GRM5: variants seen among roughly 807,000 people sequenced by gnomAD.
The protein encoded by GRM5 is glutamate metabotropic receptor 5.
In GRM5, 19 loss-of-function variants were observed where a neutral mutation model predicts 83.1. The observed-to-expected ratio is 0.23, with a 90% CI of 0.16 to 0.34. The LOEUF is 0.34. Among genes scored for constraint, GRM5 ranks in the 10% least tolerant of loss-of-function variants. The pLI is 1.00. For synonymous variants in GRM5, 675 were observed against 633.6 expected (o/e 1.07, Z -0.98); for missense variants, 1,160 against 1,588.3 (o/e 0.73, Z 4.58).
At chr11:88,974,158 C>A (rs1045252433) in intron 2 of GRM5, among the ~76,000 whole-genome samples, 2 of 152,060 alleles carry the variant, frequency 1.3e-5, no homozygotes, top group Non-Finnish European at 2.9e-5. Flanking sequence ...GCCAGTTGAA[C>A]CTGTGTCTTT....
chr11:88,707,619 T>G (rs2135380379), intron 3 of GRM5, among the ~76,000 whole-genome samples: 1 of 152,250 alleles, frequency 6.6e-6, no homozygotes, highest in South Asian at 2.1e-4. Flanking sequence ...CACCATTTTA[T>G]ATGAGGGGCT....
At chr11:88,853,223 T>C (rs1944417716) in intron 2 of GRM5, among the ~76,000 whole-genome samples, 1 of 152,110 alleles carries the variant, frequency 6.6e-6, no homozygotes, top group Non-Finnish European at 1.5e-5. Context: ...ACGATGCAAA[T>C]GTCAATCATT....
At chr11:89,014,347 C>G (rs71469234) in intron 2 of GRM5, among the ~76,000 whole-genome samples, 3 of 152,122 alleles carry the variant, frequency 2.0e-5, no homozygotes, top group Non-Finnish European at 4.4e-5. Context: ...TGTGTTACTA[C>G]TCAACAGTGC....
intron 1 of GRM5, among the ~76,000 whole-genome samples, chr11:89,052,975 C>T (rs77072338): frequency 0.018 from 2,806 of 152,172 alleles, 85 homozygotes; most frequent in African/African-American, 0.065. Context: ...ATGTCTATGC[C>T]TGTTGACTTT....
chr11:88,611,716 T>C (rs1364489644), intron 4 of GRM5, among the ~76,000 whole-genome samples: 1 of 152,180 alleles, frequency 6.6e-6, no homozygotes, highest in Non-Finnish European at 1.5e-5. Flanking sequence ...ATTTCAATCA[T>C]TTCAGTTCTG....
chr11:89,051,501 G>T (rs1459069638), intron 1 of GRM5, among the ~76,000 whole-genome samples: 1 of 152,058 alleles, frequency 6.6e-6, no homozygotes, highest in East Asian at 1.9e-4. Flanking sequence ...CTTGAGGTCA[G>T]GCTTTCAAGA....
chr11:88,596,967 G>C (rs753760018), intron 6 of GRM5, among the ~76,000 whole-genome samples: 2 of 151,970 alleles, frequency 1.3e-5, no homozygotes, highest in Non-Finnish European at 2.9e-5. Flanking sequence ...GAAACGGTGT[G>C]GGCAAACATG....
chr11:88,808,173 C>T (rs777326659), intron 3 of GRM5, among the ~76,000 whole-genome samples: 19 of 151,924 alleles, frequency 1.3e-4, no homozygotes, highest in Non-Finnish European at 2.5e-4. Context: ...AATGCACAGA[C>T]ATGTGTATTT....
chr11:89,044,059 C>T (rs775111768), intron 2 of GRM5, among the ~76,000 whole-genome samples: 1 of 152,196 alleles, frequency 6.6e-6, no homozygotes, highest in Non-Finnish European at 1.5e-5. Flanking sequence ...ATCTGCCACA[C>T]TGCTAAATGG....
intron 2 of GRM5, among the ~76,000 whole-genome samples, chr11:88,899,986 T>C (rs1386368718): frequency 2.0e-5 from 3 of 152,114 alleles, no homozygotes; most frequent in Non-Finnish European, 4.4e-5. Context: ...TTAAAAGATA[T>C]ATTAGGAATA....
intron 2 of GRM5, among the ~76,000 whole-genome samples, chr11:88,965,022 T>C (rs1444619826): frequency 6.6e-6 from 1 of 152,112 alleles, no homozygotes; most frequent in East Asian, 1.9e-4. Context: ...AGCAGATCTG[T>C]ATATTATAAT....
At chr11:89,064,872 CTCTCTCTCTCTCTCTCTG>C (rs1241541636) in intron 1 of GRM5, among the ~76,000 whole-genome samples, 81 of 43,458 alleles carry the variant, frequency 1.9e-3, no homozygotes, top group African/African-American at 6.2e-3. Context: ...CTCTCTCTCT[CTCTCTCTCTCTCTCTCTG>C]TGTGTGTGTG....
intron 9 of GRM5, among the ~76,000 whole-genome samples, chr11:88,520,841 A>G (rs779388513): frequency 3.9e-5 from 6 of 152,230 alleles, no homozygotes; most frequent in Non-Finnish European, 7.3e-5. Context: ...TTTATTAAAC[A>G]TATGTACCTA....
intron 7 of GRM5, among the ~76,000 whole-genome samples, chr11:88,587,614 AG>A (rs1267124569): frequency 6.6e-6 from 1 of 152,138 alleles, no homozygotes; most frequent in African/African-American, 2.4e-5. Flanking sequence ...CAGCAGAAGC[AG>A]GAAGGTAACT....
intron 2 of GRM5, among the ~76,000 whole-genome samples, chr11:88,945,054 T>C (rs899298968): frequency 1.3e-5 from 2 of 151,750 alleles, no homozygotes; most frequent in African/African-American, 4.8e-5. Context: ...CAGGAACATT[T>C]TTACACATGA....
At chr11:88,692,220 C>G (rs1002879240) in intron 3 of GRM5, among the ~76,000 whole-genome samples, 1 of 152,140 alleles carries the variant, frequency 6.6e-6, no homozygotes, top group Non-Finnish European at 1.5e-5. Flanking sequence ...TCACTAGGTA[C>G]TATACTAATT....
At chr11:88,823,217 T>C (rs987942420) in intron 3 of GRM5, among the ~76,000 whole-genome samples, 3 of 151,272 alleles carry the variant, frequency 2.0e-5, no homozygotes, top group Non-Finnish European at 4.4e-5. Flanking sequence ...TTTAAGACCT[T>C]ATTATATTCC....
intron 2 of GRM5, among the ~76,000 whole-genome samples, chr11:88,891,802 A>G (rs1165537108): frequency 6.6e-6 from 1 of 152,052 alleles, no homozygotes; most frequent in Non-Finnish European, 1.5e-5. Context: ...GCAGATTTCC[A>G]ATAGCTTTGA....
intron 2 of GRM5, among the ~76,000 whole-genome samples, chr11:88,916,390 A>G (rs1590961810): frequency 6.6e-6 from 1 of 152,114 alleles, no homozygotes; most frequent in Non-Finnish European, 1.5e-5. Flanking sequence ...ACTTCACATT[A>G]TAACTCAGTT....
Sources: gnomAD v4.1 joint callset for allele counts (sites outside exome capture counted in the v4.1 genomes callset) on GRCh38, gnomAD v4.1.1 for gene constraint, MANE v1.5 for transcripts, NCBI Gene and HGNC (gene_info 2026-07-23, HGNC 2026-07-21) for gene names.